Variants in DPYD observed in about 807,000 individuals in gnomAD.
The protein encoded by DPYD is dihydropyrimidine dehydrogenase, also known as dihydropyrimidine dehydrogenase [NADP(+)].
Under a neutral mutation model 116.2 loss-of-function variants are expected in DPYD, and 109 were observed. The observed-to-expected ratio is 0.94, with a 90% CI of 0.80 to 1.10. The LOEUF (loss-of-function observed/expected upper bound fraction) is 1.10. Among genes scored for constraint, DPYD ranks in the 50% least tolerant of loss-of-function variants. The pLI is 0.00. For synonymous variants in DPYD, 440 were observed against 432.0 expected, an observed-to-expected ratio of 1.02 and a Z score of -0.23; for missense variants, 1,302 against 1,254.5, an observed-to-expected ratio of 1.04 and a Z score of -0.57.
chr1:97,657,643 C>A (rs1315630800), intron 8 of DPYD, among the ~76,000 whole-genome samples: 2 of 152,090 alleles, frequency 1.3e-5, no homozygotes, highest in African/African-American at 2.4e-5. Flanking sequence ...TTCTTGTAGT[C>A]ATAAATATAT....
chr1:97,249,418 T>C (rs1355487663), intron 18 of DPYD, among the ~76,000 whole-genome samples: 2 of 151,938 alleles, frequency 1.3e-5, no homozygotes, highest in African/African-American at 4.8e-5. Flanking sequence ...AGGAAAAAAA[T>C]GAAACCATGG....
intron 20 of DPYD, among the ~76,000 whole-genome samples, chr1:97,172,340 C>T (rs1490959925): frequency 1.3e-5 from 2 of 152,032 alleles, no homozygotes; most frequent in African/African-American, 2.4e-5. Context: ...TAGGTTCTGA[C>T]GAGCCCAAAA....
chr1:97,489,860 T>G, intron 13 of DPYD, among the ~76,000 whole-genome samples: 1 of 152,328 alleles, frequency 6.6e-6, no homozygotes, highest in South Asian at 2.1e-4. Context: ...TATTCATTAG[T>G]TATTCATTCA....
rs146289823 is a variant in DPYD at position 97,549,513 on chromosome 1, C to T, written c.1524+47G>A. The T allele has an allele frequency of 5.6e-6, 9 of 1,594,060 alleles. No individual in the cohort carries two copies. The East Asian group carries it at 1.6e-4, about 28-fold the overall frequency. ...ATGAGTATCAAAAATAAATGAAGCA[C>T]TTATCCATTGGAAAAGAATTAAGTG... On this transcript the variant is annotated intron_variant, in intron 12 of 22. Transcript: ENST00000370192.
intron 13 of DPYD, among the ~76,000 whole-genome samples, chr1:97,465,153 T>C (rs1484309655): frequency 6.6e-6 from 1 of 152,200 alleles, no homozygotes; most frequent in Non-Finnish European, 1.5e-5. Flanking sequence ...TTGGAGTCTG[T>C]AGTCCCTTTG....
intron 11 of DPYD, among the ~76,000 whole-genome samples, chr1:97,550,689 G>A (rs1651256046): frequency 6.6e-6 from 1 of 151,914 alleles, no homozygotes; most frequent in African/African-American, 2.4e-5. Flanking sequence ...ACAGACTAAG[G>A]GCCTTATTCT....
intron 2 of DPYD, among the ~76,000 whole-genome samples, chr1:97,846,247 G>A (rs780929674): frequency 7.6e-4 from 115 of 152,192 alleles, no homozygotes; most frequent in Non-Finnish European, 1.2e-3. Context: ...GAAGCTCCGT[G>A]TCTTTTTTCC....
At chr1:97,704,277 G>A (rs1246394488) in intron 5 of DPYD, among the ~76,000 whole-genome samples, 14 of 151,886 alleles carry the variant, frequency 9.2e-5, no homozygotes, top group Admixed American at 9.2e-4. Flanking sequence ...TGAATGGGGG[G>A]TAGTGATTTG....
intron 3 of DPYD, among the ~76,000 whole-genome samples, chr1:97,811,338 T>C (rs963825576): frequency 6.6e-6 from 1 of 152,156 alleles, no homozygotes; most frequent in African/African-American, 2.4e-5. Context: ...CTCCAGTTTC[T>C]ACTTGTACTT....
chr1:97,617,642 G>A (rs1439181382), intron 8 of DPYD, among the ~76,000 whole-genome samples: 1 of 152,128 alleles, frequency 6.6e-6, no homozygotes, highest in Admixed American at 6.6e-5. Context: ...CTCTGAGAGA[G>A]GTGCTGTGGA....
intron 8 of DPYD, among the ~76,000 whole-genome samples, chr1:97,644,367 T>G (rs1010410837): frequency 3.0e-4 from 45 of 152,306 alleles, no homozygotes; most frequent in African/African-American, 1.1e-3. Flanking sequence ...TAACTATATG[T>G]TGCAAATAAT....
At chr1:97,891,977 A>G (rs771840006) in intron 1 of DPYD, among the ~76,000 whole-genome samples, 12 of 151,898 alleles carry the variant, frequency 7.9e-5, no homozygotes, top group Admixed American at 6.6e-4. Context: ...TACATGCTTA[A>G]GATGATAAAC....
At chr1:97,460,715 C>T (rs1283033327) in intron 13 of DPYD, among the ~76,000 whole-genome samples, 1 of 152,126 alleles carries the variant, frequency 6.6e-6, no homozygotes, top group Non-Finnish European at 1.5e-5. Context: ...CTGGAATCTA[C>T]ATTAACCAGT....
intron 18 of DPYD, among the ~76,000 whole-genome samples, chr1:97,242,306 C>T (rs1662429301): frequency 6.7e-6 from 1 of 150,300 alleles, no homozygotes; most frequent in African/African-American, 2.4e-5. Context: ...AGTAGTTACT[C>T]TATTAAATAA....
chr1:97,332,725 G>A (rs1045680814), intron 16 of DPYD, among the ~76,000 whole-genome samples: 1 of 152,156 alleles, frequency 6.6e-6, no homozygotes, highest in Non-Finnish European at 1.5e-5. Context: ...GCATAGTCAA[G>A]TAAGTAAATT....
intron 2 of DPYD, among the ~76,000 whole-genome samples, chr1:97,846,309 C>A (rs1670299965): frequency 6.6e-6 from 1 of 152,090 alleles, no homozygotes; most frequent in African/African-American, 2.4e-5. Context: ...ATGTTGCATT[C>A]CTTTATTTAA....
chr1:97,184,018 T>C (rs1657823106), intron 20 of DPYD, among the ~76,000 whole-genome samples: 1 of 152,086 alleles, frequency 6.6e-6, no homozygotes. Flanking sequence ...AAATGGAGTG[T>C]TTAGTTTTCT....
chr1:97,220,982 G>C (rs1234861100), intron 19 of DPYD, among the ~76,000 whole-genome samples: 1 of 152,100 alleles, frequency 6.6e-6, no homozygotes, highest in Non-Finnish European at 1.5e-5. Flanking sequence ...CCCCCAAGTA[G>C]AGCCCAGGAG....
intron 10 of DPYD, among the ~76,000 whole-genome samples, chr1:97,578,562 T>C (rs1418265503): frequency 6.6e-6 from 1 of 152,156 alleles, no homozygotes; most frequent in Non-Finnish European, 1.5e-5. Flanking sequence ...AAAAAACTTA[T>C]CTGAAATTAG....
Sources: gnomAD v4.1 joint callset for allele counts (sites outside exome capture counted in the v4.1 genomes callset) on GRCh38, gnomAD v4.1.1 for gene constraint, MANE v1.5 for transcripts, NCBI Gene and HGNC (gene_info 2026-07-23, HGNC 2026-07-21) for gene names.